Variants in MACF1 observed in about 807,000 individuals in gnomAD.
MACF1 encodes microtubule-actin cross-linking factor 1.
In MACF1, 193 loss-of-function variants were observed where a neutral mutation model predicts 854.8. The ratio of observed to expected loss-of-function variants is 0.23; its 90% CI spans 0.20 to 0.25. The LOEUF (loss-of-function observed/expected upper bound fraction) is 0.25, where lower values mean the gene tolerates loss of function less well. MACF1 is among the 10% of genes least tolerant of loss of function. The pLI is 1.00. For missense variants in MACF1, 7,722 were observed against 8,929.1 expected, an observed-to-expected ratio of 0.86 and a Z score of 5.45; for synonymous variants, 3,185 against 3,226.7, an observed-to-expected ratio of 0.99 and a Z score of 0.44.
chr1:39,144,706 G>T (rs985831099), intron 2 of MACF1, among the ~76,000 whole-genome samples: 4 of 151,344 alleles, frequency 2.6e-5, no homozygotes, highest in Non-Finnish European at 5.9e-5. Flanking sequence ...GCCCAGGCTG[G>T]TCTCAAACTC....
intron 2 of MACF1, among the ~76,000 whole-genome samples, chr1:39,199,594 A>G (rs1644364564): frequency 6.6e-6 from 1 of 152,138 alleles, no homozygotes; most frequent in African/African-American, 2.4e-5. Context: ...AAATGGGGTA[A>G]TAATATATAG....
rs1645109251 is a variant in MACF1, at chr1:39,487,112, G to C, written c.*1318G>C. 6.6e-6 allele frequency: 1 copy of C among 152,202 alleles called. No homozygotes were observed. The highest frequency in any genetic ancestry group is 1.5e-5 in the Non-Finnish European group (1 of 68,046). 9.4% of individuals were successfully genotyped at this position (152,202 alleles called of 1,614,324 possible). A position where few individuals can be genotyped will look rare whatever the true frequency, so the allele number is the denominator to read the frequency against. On this transcript the variant is annotated 3_prime_UTR_variant, in exon 101 of 101. Coordinates refer to ENST00000564288, the MANE Select transcript of MACF1 (RefSeq NM_001394062.1). Reference sequence around the variant, plus strand: ...AAAATATCTTGATGGATAAATTATAGAGCTTAATAGATCTTGTTTTATTTC... The same window carrying C: ...AAAATATCTTGATGGATAAATTATACAGCTTAATAGATCTTGTTTTATTTC...
chr1:39,308,626 A>G (rs976023905), intron 23 of MACF1, among the ~76,000 whole-genome samples: 1 of 152,080 alleles, frequency 6.6e-6, no homozygotes, highest in Non-Finnish European at 1.5e-5. Flanking sequence ...TGCTTGGGAA[A>G]GAAATCTCAA....
chr1:39,471,472 C>T (rs1644775937), intron 97 of MACF1, among the ~76,000 whole-genome samples: 1 of 152,178 alleles, frequency 6.6e-6, no homozygotes, highest in South Asian at 2.1e-4. Context: ...TGTGCACTAT[C>T]ATTTCTTACC....
intron 58 of MACF1, chr1:39,414,559 G>GC: frequency 6.4e-7 from 1 of 1,573,000 alleles, no homozygotes; most frequent in Non-Finnish European, 8.6e-7. Flanking sequence ...ATGAGAAATG[G>GC]CACAGATAGT....
intron 26 of MACF1, 46 bp from the exon 27 acceptor site, chr1:39,315,467 T>G (rs1306522278): frequency 6.3e-7 from 1 of 1,580,832 alleles, no homozygotes; most frequent in African/African-American, 1.4e-5. Context: ...TCTACCTTTT[T>G]TGTTCAATTC....
chr1:39,425,468 T>G (rs1345075876), intron 61 of MACF1, among the ~76,000 whole-genome samples: 1 of 152,222 alleles, frequency 6.6e-6, no homozygotes, highest in Non-Finnish European at 1.5e-5. Context: ...ATTATGAGGC[T>G]GACACACTGC....
intron 58 of MACF1, chr1:39,410,372 G>T (rs770796927): frequency 6.2e-7 from 1 of 1,613,954 alleles, no homozygotes; most frequent in South Asian, 1.1e-5. Context: ...GTTCCACAAC[G>T]GTCTATATAT....
At chr1:39,441,892 G>A in intron 74 of MACF1, 60 bp from the exon 75 acceptor site, 1 of 1,243,000 alleles carries the variant, frequency 8.0e-7, no homozygotes, top group Non-Finnish European at 1.2e-6. Flanking sequence ...CAGAGATAAT[G>A]CTAATTCTCT....
chr1:39,111,898 C>G (rs1356832194), intron 2 of MACF1, among the ~76,000 whole-genome samples: 2 of 151,992 alleles, frequency 1.3e-5, no homozygotes, highest in African/African-American at 2.4e-5. Context: ...GATTCTTTGT[C>G]TCTTTCAGGG....
At position 39,436,683 on chromosome 1, in the gene MACF1, A is replaced by G. The variant is rs539274156; in HGVS notation, c.17988+922A>G. Among the ~76,000 whole-genome samples, 76 of 152,286 alleles carry G rather than the reference A, an allele frequency of 5.0e-4. No homozygotes were observed. The South Asian group carries it at 0.015, about 30-fold the overall frequency. ...AGTGATGTTGTTAAGGAATCCCACC[A>G]TGTTTTTTCTATAGGACACTTGAAA... On this transcript the variant is annotated intron_variant, in intron 70 of 100. Transcript: ENST00000564288.
chr1:39,182,539 C>G (rs1644118463), intron 2 of MACF1, among the ~76,000 whole-genome samples: 2 of 151,936 alleles, frequency 1.3e-5, no homozygotes, highest in Non-Finnish European at 2.9e-5. Context: ...AAAAAATGGG[C>G]AAAGGATTTA....
At chr1:39,371,462 A>G (rs1282212879) in intron 51 of MACF1, among the ~76,000 whole-genome samples, 1 of 152,144 alleles carries the variant, frequency 6.6e-6, no homozygotes, top group Non-Finnish European at 1.5e-5. Flanking sequence ...GTAGATTGTC[A>G]GGGATATTCA....
intron 35 of MACF1, 108 bp from the exon 36 acceptor site, chr1:39,327,107 GGAA>G (rs1646629448): frequency 1.9e-6 from 2 of 1,061,170 alleles, no homozygotes; most frequent in African/African-American, 1.6e-5. Context: ...CGATGAATAT[GGAA>G]GAAGATCATC....
rs191093897 is a variant in MACF1 at position 39,336,404 on chromosome 1, A to G, written c.9816A>G (p.Pro3272=). The G allele has an allele frequency of 8.5e-5, 138 of 1,614,226 alleles. 1 individual carries two copies. Among genetic ancestry groups the G allele is most frequent in the East Asian group, 5.8e-4 (26 of 44,888 alleles). The change falls in exon 37 of 101, where the codon CCA becomes CCG. Residue 3272 remains proline (P), a synonymous_variant. Coordinates refer to ENST00000564288, the MANE Select transcript of MACF1 (RefSeq NM_001394062.1). ...CCAGAGTCTTGGGATCCTTTCTTCC[A>G]GAGAAACTGTTCAAAGGAGTGTCTC... The part of the protein sequence containing the change: ...RGSRVLGSFL[P]EKLFKGVSQK...
rs1646731422 is a variant in MACF1, at chr1:39,331,800, G to T, written c.5212G>T (p.Val1738Leu). 1.2e-6 allele frequency: 2 copies of T among 1,614,062 alleles called. No homozygotes were observed. The highest frequency in any genetic ancestry group is 1.1e-5 in the South Asian group (1 of 91,082). Reference protein sequence around the residue: ...LPVKQLAGGMVSLKSGRKVSI... With the variant: ...LPVKQLAGGMLSLKSGRKVSI... ...TGTCAAACAATTGGCAGGGGGGATG[G>T]TGAGCTTGAAATCAGGCCGGAAGGT... is the stretch of plus-strand genomic sequence containing the variant. The change falls in exon 37 of 101, where the codon GTG (valine) becomes TTG (leucine). Residue 1738 changes from valine (V) to leucine (L), a missense_variant. This residue lies in a region of MACF1 where 1,531 missense variants were observed against 1,601.6 expected (regional missense o/e 0.96). Coordinates refer to ENST00000564288, the MANE Select transcript of MACF1 (RefSeq NM_001394062.1).
chr1:39,211,427 A>G (rs1006955711), intron 1 of MACF1, among the ~76,000 whole-genome samples: 8 of 152,084 alleles, frequency 5.3e-5, no homozygotes, highest in Admixed American at 2.0e-4. Context: ...TTAATTTTTT[A>G]AATTTAAAAA....
In MACF1 at chr1:39,484,601, G is replaced by A; in HGVS notation, c.22282G>A (p.Val7428Ile). 1 of 1,610,800 alleles carries A rather than the reference G, an allele frequency of 6.2e-7. No homozygotes were observed. The highest frequency in any genetic ancestry group is 8.5e-7 in the Non-Finnish European group (1 of 1,178,748). The change falls in exon 100 of 101, where the codon GTT (valine) becomes ATT (isoleucine). Residue 7428 changes from valine (V) to isoleucine (I), a missense_variant and splice_region_variant. Coordinates refer to ENST00000564288, the MANE Select transcript of MACF1 (RefSeq NM_001394062.1). ...TGACCTTTTTATTATTTTTTTTAAG[G>A]TTATCCCATCATCAGGTAGCAAGTT... Reference protein sequence around the residue: ...SPDLQLPTPEVIPSSGSKLKR... With the variant: ...SPDLQLPTPEIIPSSGSKLKR...
chr1:39,114,617 G>A (rs1230411895), intron 2 of MACF1, among the ~76,000 whole-genome samples: 1 of 152,180 alleles, frequency 6.6e-6, no homozygotes, highest in Non-Finnish European at 1.5e-5. Flanking sequence ...GCCGCATGAA[G>A]AATAAATTAA....
Sources: gnomAD v4.1 joint callset for allele counts (sites outside exome capture counted in the v4.1 genomes callset) on GRCh38, gnomAD v4.1.1 for gene constraint, gnomAD v4.1.1 regional missense constraint, MANE v1.5 for transcripts, NCBI Gene and HGNC (gene_info 2026-07-23, HGNC 2026-07-21) for gene names.